ZNF530: variants seen among roughly 807,000 people sequenced by gnomAD.
ZNF530 encodes the protein zinc finger protein 530.
ZNF530 carries 5 observed loss-of-function variants against 2.8 expected under a neutral mutation model. The ratio of observed to expected loss-of-function variants is 1.80; its 90% CI spans 0.94 to 3.78. ZNF530 has a LOEUF of 3.78. Ranked by LOEUF, ZNF530 falls within the 30% of genes most tolerant of loss-of-function variation. ZNF530 has a pLI of 0.00. For missense variants in ZNF530, 619 were observed against 673.3 expected (o/e 0.92, Z 0.89); for synonymous variants, 229 against 235.0 (o/e 0.97, Z 0.23).
At chr19:57,603,269 C>G (rs951214902) in intron 2 of ZNF530, among the ~76,000 whole-genome samples, 14 of 152,212 alleles carry the variant, frequency 9.2e-5, no homozygotes, top group African/African-American at 3.1e-4. Context: ...ATTCAGGTAC[C>G]TCCTACTGGA....
chr19:57,604,685 G>C lies in ZNF530; in HGVS notation c.61+279G>C, dbSNP rs143498018. On this transcript the variant is annotated intron_variant, in intron 3 of 3. Coordinates refer to ENST00000597700, the MANE Select transcript of ZNF530 (RefSeq NM_001321981.2). Reference sequence around the variant, plus strand: ...CTCCATGACAGGATGGCTTTCTCCAGTTCTAGGATGCTCTTTGTTCCATGT... The same window carrying C: ...CTCCATGACAGGATGGCTTTCTCCACTTCTAGGATGCTCTTTGTTCCATGT... 3.6e-5 allele frequency: 10 copies of C among 275,272 alleles called. No individual in the cohort carries two copies. In the East Asian group the frequency reaches 7.1e-4, roughly 20 times the overall value. 17.1% of individuals were successfully genotyped at this position (275,272 alleles called of 1,614,324 possible). A position where few individuals can be genotyped will look rare whatever the true frequency, so the allele number is the denominator to read the frequency against.
At position 57,608,257 on chromosome 19, in the gene ZNF530, T is replaced by C. The variant is rs1330154391; in HGVS notation, c.*932T>C. On this transcript the variant is annotated 3_prime_UTR_variant, in exon 4 of 4. Transcript: ENST00000597700. ...TGGCTTGTGCAATGATAAAGGCCTT[T>C]TGTTTAAGTACCTTTAATCTTGTAA... The C allele has an allele frequency of 6.6e-6, 1 of 152,220 alleles. No individual in the cohort carries two copies. The highest frequency in any genetic ancestry group is 2.4e-5 in the African/African-American group (1 of 41,442). 9.4% of individuals were successfully genotyped at this position (152,220 alleles called of 1,614,324 possible).
In ZNF530 at chr19:57,609,011, G is replaced by C. The variant is rs1980742511; in HGVS notation, c.*1686G>C. The C allele has an allele frequency of 6.8e-6, 1 of 147,202 alleles. No individual in the cohort carries two copies. The highest frequency in any genetic ancestry group is 1.5e-5 in the Non-Finnish European group (1 of 67,490). The allele number at this position is 147,202 out of a possible 1,614,324, so 9.1% of individuals were successfully genotyped here. On this transcript the variant is annotated 3_prime_UTR_variant, in exon 4 of 4. Coordinates refer to ENST00000597700, the MANE Select transcript of ZNF530 (RefSeq NM_001321981.2). ...CACTCCAGCCTGGGTGACAGAGCGA[G>C]ACTGCGTCTCAAAAAAAAAAAAAAA...
At chr19:57,603,955 A>G (rs887362264) in intron 2 of ZNF530, among the ~76,000 whole-genome samples, 1 of 152,102 alleles carries the variant, frequency 6.6e-6, no homozygotes, top group South Asian at 2.1e-4. Flanking sequence ...CTTTTGTTTC[A>G]TGAGTCTGGA....
chr19:57,610,412 ATG>A (rs57429926), downstream of ZNF530, among the ~76,000 whole-genome samples: 23,353 of 146,712 alleles, frequency 0.16, 1,922 homozygotes, highest in African/African-American at 0.19. Context: ...AAGTGTACAT[ATG>A]TGTGTGTGTG....
rs76787024 is a variant in ZNF530 at position 57,604,401 on chromosome 19, C to A, written c.56C>A (p.Ser19Tyr). 274 of 1,613,440 alleles carry A rather than the reference C, an allele frequency of 1.7e-4. No homozygotes were observed. In the African/African-American group the frequency reaches 3.1e-3, roughly 18 times the overall value. ...CTGGAGAACTTTGCAGTTATGGCAT[C>A]CCTAGGTAAGGCCCTCCTATTCCTC... ...VMLENFAVMA[S>Y]LGCWCGAVDE... Residue 19 changes from serine (S) to tyrosine (Y), a missense_variant, in exon 3 of 4, where the codon TCC (serine) becomes TAC (tyrosine). Physicochemically the swap from Ser to Tyr is moderately radical, Grantham distance 144. Transcript: ENST00000597700.
chr19:57,604,447 C>T (rs1599933799), intron 3 of ZNF530, 41 bp downstream of exon 3: 1 of 1,594,848 alleles, frequency 6.3e-7, no homozygotes, highest in Non-Finnish European at 8.5e-7. Context: ...TTGTGGGTCT[C>T]TCCTTTTCCC....
At position 57,606,336 on chromosome 19, in the gene ZNF530, G is replaced by C. The variant is rs927366566; in HGVS notation, c.712G>C (p.Glu238Gln). 6.2e-7 allele frequency: 1 copy of C among 1,614,220 alleles called. No homozygotes were observed. The highest frequency in any genetic ancestry group is 2.2e-5 in the East Asian group (1 of 44,890). ...TAGAACAAGGACTCATGAATGTAGT[G>C]AATGTGGGAAATCATTTAGTCGCAA... ...HGRTRTHECS[E>Q]CGKSFSRKTH... The change falls in exon 4 of 4, where the codon GAA becomes CAA. Residue 238 changes from glutamate to glutamine, a missense_variant. Glu to Gln is a conservative substitution (Grantham distance 29). Transcript: ENST00000597700.
In ZNF530 at chr19:57,604,330, G is replaced by A; in HGVS notation, c.-16G>A. The stretch of plus-strand genomic sequence containing the variant: ...CCATTTACTTCTCCCAGGAGGAGTG[G>A]GAGCTCCTTGATGAGATGCAGAGGC... On this transcript the variant is annotated 5_prime_UTR_variant, in exon 3 of 4. Coordinates refer to ENST00000597700, the MANE Select transcript of ZNF530 (RefSeq NM_001321981.2). 2 of 1,614,116 alleles carry A rather than the reference G, an allele frequency of 1.2e-6. No individual in the cohort carries two copies. The highest frequency in any genetic ancestry group is 1.7e-6 in the Non-Finnish European group (2 of 1,180,010).
chr19:57,605,471 C>A, intron 3 of ZNF530: 1 of 508,262 alleles, frequency 2.0e-6, no homozygotes, highest in Non-Finnish European at 3.5e-6. Flanking sequence ...AGTCAGAGAC[C>A]CTACCTGTTC....
downstream of ZNF530, among the ~76,000 whole-genome samples, chr19:57,610,429 T>TGTGTGTGTG (rs1233621137): frequency 1.7e-4 from 26 of 151,878 alleles, no homozygotes; most frequent in Admixed American, 1.3e-4. Flanking sequence ...TGTGTGTGTG[T>TGTGTGTGTG]GTGTGTGTGT....
intron 3 of ZNF530, 81 bp from the exon 4 acceptor site, chr19:57,605,605 C>A: frequency 7.2e-7 from 1 of 1,392,148 alleles, no homozygotes; most frequent in Non-Finnish European, 9.8e-7. Context: ...TTTTCTTAGA[C>A]TCATTCTTTG....
chr19:57,607,612 T>C lies in ZNF530; in HGVS notation c.*287T>C. On this transcript the variant is annotated 3_prime_UTR_variant, in exon 4 of 4. Coordinates refer to ENST00000597700, the MANE Select transcript of ZNF530 (RefSeq NM_001321981.2). ...CACCTGCTTCAGCCTACCAAAGTGC[T>C]GGGATTACAGGCGTGAGCCACCATG... 1 of 368,786 alleles carries C rather than the reference T, an allele frequency of 2.7e-6. No homozygotes were observed. The highest frequency in any genetic ancestry group is 4.9e-6 in the Non-Finnish European group (1 of 203,652). 22.8% of individuals were successfully genotyped at this position (368,786 alleles called of 1,614,324 possible). A position where few individuals can be genotyped will look rare whatever the true frequency, so the allele number is the denominator to read the frequency against.
rs1201378195 is a variant in ZNF530 at position 57,609,435 on chromosome 19, G to A, written c.*2110G>A. The stretch of plus-strand genomic sequence containing the variant: ...AGGTCAGGAGTTCGAGACCAGCCTG[G>A]TCAACATGGCGAAACCCTGTCTCTA... On this transcript the variant is annotated 3_prime_UTR_variant, in exon 4 of 4. Coordinates refer to ENST00000597700, the MANE Select transcript of ZNF530 (RefSeq NM_001321981.2). Among the ~76,000 whole-genome samples the A allele has an allele frequency of 3.3e-5, 5 of 152,206 alleles. No homozygotes were observed. The highest frequency in any genetic ancestry group is 6.5e-5 in the Admixed American group (1 of 15,278).
At position 57,606,422 on chromosome 19, in the gene ZNF530, A is replaced by G. The variant is rs1311830791; in HGVS notation, c.798A>G (p.Glu266=). 9 of 1,613,848 alleles carry G rather than the reference A, an allele frequency of 5.6e-6. No homozygotes were observed. The highest frequency in any genetic ancestry group is 6.8e-6 in the Non-Finnish European group (8 of 1,180,010). The change falls in exon 4 of 4, where the codon GAA becomes GAG. Residue 266 remains glutamate (E), a synonymous_variant. Transcript: ENST00000597700. The part of the protein sequence containing the change: ...HTGERPYDCS[E]CGKSFRQVSV... ...GAGAAAGGCCTTATGACTGCAGTGAATGTGGCAAATCCTTTCGCCAGGTAT... is the reference window on the plus strand; with the variant it reads ...GAGAAAGGCCTTATGACTGCAGTGAGTGTGGCAAATCCTTTCGCCAGGTAT...
chr19:57,611,245 T>G (rs372473514), downstream of ZNF530, among the ~76,000 whole-genome samples: 7 of 151,520 alleles, frequency 4.6e-5, no homozygotes, highest in Admixed American at 2.6e-4. Context: ...CCAAGGCAAG[T>G]TTTTTTTAGC....
rs1425598389 is a variant in ZNF530 at position 57,609,872 on chromosome 19, T to C, written c.*2547T>C. ...CCTTGGTGCGGCTTTTGTGATCCAG[T>C]AGCAATCCTCTTAACGCTGATGGAA... is the stretch of plus-strand genomic sequence containing the variant. On this transcript the variant is annotated 3_prime_UTR_variant, in exon 4 of 4. Coordinates refer to ENST00000597700, the MANE Select transcript of ZNF530 (RefSeq NM_001321981.2). Among the ~76,000 whole-genome samples, 1 of 152,004 alleles carries C rather than the reference T, an allele frequency of 6.6e-6. No individual in the cohort carries two copies. Among genetic ancestry groups the C allele is most frequent in the Non-Finnish European group, 1.5e-5 (1 of 68,014 alleles).
rs1980584281 is a variant in ZNF530 at position 57,606,885 on chromosome 19, A to G, written c.1261A>G (p.Arg421Gly). 2 of 1,613,594 alleles carry G rather than the reference A, an allele frequency of 1.2e-6. No homozygotes were observed. Among genetic ancestry groups the G allele is most frequent in the East Asian group, 4.5e-5 (2 of 44,856 alleles). ...CCAAAGCTCTGGCCTCTTTCGACAC[A>G]GAAGAGCTCACACTAAAACAAAGCC... ...FSQSSGLFRH[R>G]RAHTKTKPYE... Residue 421 changes from arginine to glycine, a missense_variant, in exon 4 of 4, where the codon AGA becomes GGA. Arg to Gly is a moderately radical substitution (Grantham distance 125). Transcript: ENST00000597700.
chr19:57,605,553 T>G, intron 3 of ZNF530, 133 bp from the exon 4 acceptor site: 1 of 896,714 alleles, frequency 1.1e-6, no homozygotes, highest in South Asian at 1.9e-5. Context: ...TTGTAGAGGC[T>G]TTTTTCCACA....
Sources: gnomAD v4.1 joint callset for allele counts (sites outside exome capture counted in the v4.1 genomes callset) on GRCh38, gnomAD v4.1.1 for gene constraint, MANE v1.5 for transcripts, NCBI Gene and HGNC (gene_info 2026-07-23, HGNC 2026-07-21) for gene names.